GNG7: variants seen among roughly 807,000 people sequenced by gnomAD.
GNG7 encodes guanine nucleotide-binding protein G(I)/G(S)/G(O) subunit gamma-7.
In GNG7, 1 loss-of-function variant was observed where a neutral mutation model predicts 4.0. That is an observed-to-expected ratio of 0.25 (90% confidence interval 0.09 to 1.18). GNG7 has a LOEUF of 1.18. GNG7 is among the 50% of genes most tolerant of loss of function. The pLI, the probability that GNG7 is intolerant of heterozygous loss-of-function variation, is 0.50. For synonymous variants in GNG7, 34 were observed against 36.9 expected (o/e 0.92, Z 0.29); for missense variants, 86 against 91.9 (o/e 0.94, Z 0.26).
At chr19:2,619,422 C>T (rs115067882) in intron 2 of GNG7, among the ~76,000 whole-genome samples, 157 of 152,340 alleles carry the variant, frequency 1.0e-3, no homozygotes, top group African/African-American at 3.6e-3. Flanking sequence ...GAAAAGTTTG[C>T]TACCCCAGGC....
intron 2 of GNG7, among the ~76,000 whole-genome samples, chr19:2,600,164 C>T (rs1981155927): frequency 6.6e-6 from 1 of 151,326 alleles, no homozygotes; most frequent in Admixed American, 6.6e-5. Flanking sequence ...TTTAGCTATA[C>T]TCCTGTTACA....
chr19:2,656,407 G>T (rs535874474), intron 1 of GNG7, among the ~76,000 whole-genome samples: 53 of 152,312 alleles, frequency 3.5e-4, no homozygotes, highest in African/African-American at 1.0e-3. Context: ...TTCAAGACCA[G>T]CCTGGCCAAC....
chr19:2,680,694 G>A (rs1184436649), intron 1 of GNG7, among the ~76,000 whole-genome samples: 2 of 150,788 alleles, frequency 1.3e-5, no homozygotes, highest in Admixed American at 1.3e-4. Flanking sequence ...TCCTGCCTCA[G>A]CCTCCTAAGT....
intron 1 of GNG7, among the ~76,000 whole-genome samples, chr19:2,665,488 A>G (rs919245420): frequency 5.3e-5 from 8 of 152,206 alleles, no homozygotes; most frequent in African/African-American, 1.9e-4. Context: ...GGACAAAAAA[A>G]AGAAAGAAAA....
chr19:2,607,270 C>T (rs1019082622), intron 2 of GNG7, among the ~76,000 whole-genome samples: 2 of 148,654 alleles, frequency 1.3e-5, no homozygotes, highest in African/African-American at 4.9e-5. Context: ...GTAATCCCAG[C>T]ACTTTGGGAG....
chr19:2,516,607 G>A (rs1972738356), intron 4 of GNG7, among the ~76,000 whole-genome samples: 1 of 152,240 alleles, frequency 6.6e-6, no homozygotes, highest in African/African-American at 2.4e-5. Context: ...GTCAGGGACA[G>A]ATGGACCCCG....
chr19:2,554,955 C>A (rs538026632), intron 3 of GNG7, among the ~76,000 whole-genome samples, 194 bp downstream of exon 3: 3 of 152,274 alleles, frequency 2.0e-5, no homozygotes, highest in Non-Finnish European at 4.4e-5. Context: ...CGAACCCACC[C>A]AAACGGGGCA....
At chr19:2,594,447 G>GAAGGACGGA (rs113980932) in intron 2 of GNG7, among the ~76,000 whole-genome samples, 1 of 127,048 alleles carries the variant, frequency 7.9e-6, no homozygotes, top group African/African-American at 3.7e-5. Context: ...AGGAAGGAAG[G>GAAGGACGGA]AGGAAGAAAG....
intron 2 of GNG7, among the ~76,000 whole-genome samples, chr19:2,601,953 A>T (rs1981211865): frequency 6.6e-6 from 1 of 151,840 alleles, no homozygotes; most frequent in African/African-American, 2.4e-5. Flanking sequence ...AGGAGAGGGG[A>T]GGAGAGCAGT....
intron 3 of GNG7, among the ~76,000 whole-genome samples, chr19:2,552,864 C>T (rs988880716): frequency 1.3e-5 from 2 of 149,778 alleles, no homozygotes; most frequent in African/African-American, 2.5e-5. Flanking sequence ...CCCCCCACCT[C>T]CCCACTGTCT....
intron 2 of GNG7, among the ~76,000 whole-genome samples, chr19:2,576,226 C>T (rs1015130881): frequency 1.1e-4 from 17 of 152,260 alleles, no homozygotes; most frequent in East Asian, 3.8e-4. Flanking sequence ...CGCAGTGGGG[C>T]GGCCTCGGAT....
chr19:2,679,691 T>C (rs1195505477), intron 1 of GNG7, among the ~76,000 whole-genome samples: 1 of 152,174 alleles, frequency 6.6e-6, no homozygotes, highest in Non-Finnish European at 1.5e-5. Flanking sequence ...TCGCCACCTT[T>C]CACTTTTTAC....
intron 2 of GNG7, among the ~76,000 whole-genome samples, chr19:2,613,912 GTGGATCCTGAA>G (rs1981644452): frequency 6.6e-6 from 1 of 152,250 alleles, no homozygotes. Context: ...GCAGCAGTGT[GTGGATCCTGAA>G]TGAGAAAGGT....
At chr19:2,537,449 A>G (rs982493365) in intron 3 of GNG7, among the ~76,000 whole-genome samples, 1 of 151,890 alleles carries the variant, frequency 6.6e-6, no homozygotes, top group African/African-American at 2.4e-5. Context: ...CTCTACAGCT[A>G]TGTTGCCCAG....
intron 2 of GNG7, among the ~76,000 whole-genome samples, chr19:2,563,601 T>A (rs1389436546): frequency 6.6e-6 from 1 of 152,184 alleles, no homozygotes; most frequent in African/African-American, 2.4e-5. Context: ...TGCCTCAGCC[T>A]CCCTATAGTA....
chr19:2,684,445 C>CAG (rs1182792384), intron 1 of GNG7, among the ~76,000 whole-genome samples: 1 of 151,746 alleles, frequency 6.6e-6, no homozygotes, highest in Non-Finnish European at 1.5e-5. Context: ...CGCACCAGTG[C>CAG]TGTTGATGGA....
At chr19:2,607,041 C>T (rs1277673680) in intron 2 of GNG7, among the ~76,000 whole-genome samples, 5 of 150,556 alleles carry the variant, frequency 3.3e-5, no homozygotes, top group South Asian at 2.1e-4. Context: ...GGCAACACAG[C>T]GAGACCCTGT....
intron 1 of GNG7, among the ~76,000 whole-genome samples, chr19:2,656,775 G>A (rs1024348206): frequency 2.6e-5 from 4 of 152,168 alleles, no homozygotes; most frequent in African/African-American, 7.2e-5. Context: ...GGGAGGCCTC[G>A]ACAGAGAGCA....
At chr19:2,535,747 G>C (rs907315994) in intron 3 of GNG7, among the ~76,000 whole-genome samples, 1 of 152,050 alleles carries the variant, frequency 6.6e-6, no homozygotes, top group Non-Finnish European at 1.5e-5. Flanking sequence ...GGAATTCCTA[G>C]AACACGGTAC....
Sources: allele counts gnomAD v4.1 joint callset (sites outside exome capture counted in the v4.1 genomes callset), GRCh38; gene constraint gnomAD v4.1.1; transcripts MANE v1.5; gene names NCBI Gene and HGNC (gene_info 2026-07-23, HGNC 2026-07-21).